Variants in CUX1 observed in about 807,000 individuals in gnomAD.
CUX1 encodes cut like homeobox 1.
CUX1 carries 31 observed loss-of-function variants against 158.8 expected under a neutral mutation model. That is an observed-to-expected ratio of 0.20 (90% CI 0.15 to 0.26). The LOEUF is 0.26. Ranked by LOEUF, CUX1 falls within the 10% of genes least tolerant of loss-of-function variation. CUX1 has a pLI of 1.00. For synonymous variants in CUX1, 879 were observed against 862.1 expected (o/e 1.02, Z -0.34); for missense variants, 1,589 against 2,014.6 (o/e 0.79, Z 4.04).
intron 13 of CUX1, among the ~76,000 whole-genome samples, chr7:102,195,116 C>CA (rs35700064): frequency 0.16 from 20,263 of 123,182 alleles, 1,401 homozygotes; most frequent in Admixed American, 0.22. Context: ...TTGTGGCTGG[C>CA]AAAAAAAAAA....
intron 1 of CUX1, among the ~76,000 whole-genome samples, chr7:101,862,256 G>T (rs1797534949): frequency 6.6e-6 from 1 of 151,992 alleles, no homozygotes; most frequent in African/African-American, 2.4e-5. Context: ...CCATGGAGCA[G>T]ACACTCCTGT....
intron 9 of CUX1, among the ~76,000 whole-genome samples, chr7:102,167,257 G>A (rs1331169580): frequency 2.0e-5 from 3 of 149,162 alleles, no homozygotes; most frequent in African/African-American, 7.5e-5. Flanking sequence ...AACAGGGTGA[G>A]ACTCTGTATC....
chr7:102,198,628 C>T (rs1192804737), intron 15 of CUX1, among the ~76,000 whole-genome samples, 174 bp from the exon 16 acceptor site: 1 of 152,220 alleles, frequency 6.6e-6, no homozygotes, highest in African/African-American at 2.4e-5. Flanking sequence ...CCTCTGCGGG[C>T]CGGTCAGCCA....
intron 1 of CUX1, among the ~76,000 whole-genome samples, chr7:101,827,290 C>CTTCTCTTCTCTTCTCTTCTT (rs1461284975): frequency 2.6e-5 from 3 of 114,014 alleles, no homozygotes; most frequent in East Asian, 2.1e-4. Context: ...CTTCTCTTCT[C>CTTCTCTTCTCTTCTCTTCTT]TTCTTTTCTT....
intron 8 of CUX1, among the ~76,000 whole-genome samples, chr7:102,134,543 G>C (rs1458765379): frequency 6.6e-6 from 1 of 152,190 alleles, no homozygotes; most frequent in Non-Finnish European, 1.5e-5. Context: ...CAGACTGACA[G>C]TGTCTTGACC....
chr7:102,238,368 A>C (rs374825012), intron 22 of CUX1, among the ~76,000 whole-genome samples: 45 of 152,246 alleles, frequency 3.0e-4, no homozygotes, highest in Non-Finnish European at 2.4e-4. Context: ...CTGTCTGGGC[A>C]TAACAGAAGG....
At chr7:102,142,056 C>A (rs1367386153) in intron 8 of CUX1, among the ~76,000 whole-genome samples, 1 of 152,100 alleles carries the variant, frequency 6.6e-6, no homozygotes, top group Non-Finnish European at 1.5e-5. Flanking sequence ...CCTACCATGC[C>A]CTTGAGCCCA....
At chr7:102,230,533 A>G (rs1475101187) in intron 21 of CUX1, among the ~76,000 whole-genome samples, 3 of 151,662 alleles carry the variant, frequency 2.0e-5, no homozygotes, top group African/African-American at 7.3e-5. Flanking sequence ...GCTGAGTTCC[A>G]CTAAAGTTTG....
At chr7:102,224,814 C>T (rs1798186792) in intron 20 of CUX1, among the ~76,000 whole-genome samples, 1 of 152,224 alleles carries the variant, frequency 6.6e-6, no homozygotes, top group Non-Finnish European at 1.5e-5. Context: ...GATGCCACAG[C>T]AGCCGGCACC....
intron 2 of CUX1, among the ~76,000 whole-genome samples, chr7:101,976,900 ATTTTTTTT>A (rs10643207): frequency 0.015 from 586 of 39,464 alleles, 15 homozygotes; most frequent in African/African-American, 0.061. Context: ...TCCCTTTCTG[ATTTTTTTT>A]TTTTTTTTTT....
At chr7:101,842,360 C>T (rs138123965) in intron 1 of CUX1, among the ~76,000 whole-genome samples, 1 of 152,194 alleles carries the variant, frequency 6.6e-6, no homozygotes, top group Admixed American at 6.5e-5. Context: ...GTCACTGTTT[C>T]TTTGATAATT....
intron 20 of CUX1, among the ~76,000 whole-genome samples, chr7:102,281,170 C>T (rs901132879): frequency 3.3e-5 from 5 of 152,064 alleles, no homozygotes; most frequent in African/African-American, 9.7e-5. Flanking sequence ...CCCAGGAGTT[C>T]GAGACCAGCC....
At chr7:102,054,322 G>A (rs892771388) in intron 3 of CUX1, among the ~76,000 whole-genome samples, 10 of 152,120 alleles carry the variant, frequency 6.6e-5, no homozygotes, top group Admixed American at 4.6e-4. Flanking sequence ...TTTATTTTGA[G>A]TTAATTTTTG....
At chr7:101,917,193 C>G in intron 2 of CUX1, among the ~76,000 whole-genome samples, 1 of 152,204 alleles carries the variant, frequency 6.6e-6, no homozygotes, top group Non-Finnish European at 1.5e-5. Flanking sequence ...AGAGATGCCC[C>G]TCTCTTACTT....
At chr7:101,992,940 CG>C (rs1007889291) in intron 2 of CUX1, among the ~76,000 whole-genome samples, 8 of 152,258 alleles carry the variant, frequency 5.3e-5, no homozygotes, top group African/African-American at 1.9e-4. Flanking sequence ...CTGGCCACCC[CG>C]AGGGGGCCCT....
intron 21 of CUX1, among the ~76,000 whole-genome samples, chr7:102,282,138 G>A (rs999250763): frequency 6.6e-6 from 1 of 152,176 alleles, no homozygotes; most frequent in African/African-American, 2.4e-5. Flanking sequence ...CAGCCGGGCC[G>A]CTCCGTGAAA....
chr7:101,917,217 G>A (rs1804326107), intron 2 of CUX1, among the ~76,000 whole-genome samples: 2 of 152,196 alleles, frequency 1.3e-5, no homozygotes, highest in Admixed American at 1.3e-4. Context: ...TAATATTGCT[G>A]GGAAATTATA....
chr7:101,921,387 A>G (rs1199456804), intron 2 of CUX1, among the ~76,000 whole-genome samples: 2 of 152,176 alleles, frequency 1.3e-5, no homozygotes, highest in Non-Finnish European at 2.9e-5. Context: ...CATGAGATAC[A>G]GTGGATTTCT....
chr7:101,839,425 C>T (rs775896765), intron 1 of CUX1, among the ~76,000 whole-genome samples: 1 of 152,198 alleles, frequency 6.6e-6, no homozygotes, highest in South Asian at 2.1e-4. Context: ...ACCTCCAGAT[C>T]GCTTCCCAGC....
Sources: allele counts gnomAD v4.1 joint callset (sites outside exome capture counted in the v4.1 genomes callset), GRCh38; gene constraint gnomAD v4.1.1; transcripts MANE v1.5; gene names NCBI Gene and HGNC (gene_info 2026-07-23, HGNC 2026-07-21).